The following HIPK2 variants were observed in gnomAD, a reference collection of about 807,000 sequenced individuals.
The protein encoded by HIPK2 is homeodomain interacting protein kinase 2.
Under a neutral mutation model 113.7 loss-of-function variants are expected in HIPK2, and 27 were observed. The observed-to-expected ratio is 0.24, with a 90% CI of 0.17 to 0.33. HIPK2 has a LOEUF of 0.33. Ranked by LOEUF, HIPK2 falls within the 10% of genes least tolerant of loss-of-function variation. HIPK2 has a pLI of 1.00. For missense variants in HIPK2, 1,257 were observed against 1,588.0 expected, an observed-to-expected ratio of 0.79 and a Z score of 3.54; for synonymous variants, 631 against 642.2, an observed-to-expected ratio of 0.98 and a Z score of 0.26.
chr7:139,664,023 C>G (rs184806072), intron 2 of HIPK2, among the ~76,000 whole-genome samples: 351 of 152,344 alleles, frequency 2.3e-3, no homozygotes, highest in Non-Finnish European at 4.0e-3. Flanking sequence ...ACTCTGCCCC[C>G]ACGCTTGGTA....
intron 1 of HIPK2, among the ~76,000 whole-genome samples, chr7:139,726,066 A>G (rs992728991): frequency 6.6e-6 from 1 of 152,172 alleles, no homozygotes; most frequent in Non-Finnish European, 1.5e-5. Context: ...AACAACAATG[A>G]CCCTGAGTCA....
Position 139,661,727 on chromosome 7 carries a change from A to G in HIPK2, c.1104-30002T>C, listed in dbSNP as rs565327398. Among the ~76,000 whole-genome samples, 7 of 152,256 alleles carry G rather than the reference A, an allele frequency of 4.6e-5. No individual in the cohort carries two copies. The South Asian group carries it at 1.5e-3, about 32-fold the overall frequency. On this transcript the variant is annotated intron_variant, in intron 2 of 14. Coordinates refer to ENST00000406875, the MANE Select transcript of HIPK2 (RefSeq NM_022740.5). The stretch of plus-strand genomic sequence containing the variant: ...AAAATCACACACACAAAAAAATCTC[A>G]TATGTTTTAAGGAAGTTTAGGAATT...
chr7:139,730,217 G>A (rs182782684), intron 1 of HIPK2, among the ~76,000 whole-genome samples: 1 of 152,078 alleles, frequency 6.6e-6, no homozygotes, highest in Admixed American at 6.5e-5. Flanking sequence ...ACCCATTTCC[G>A]GCCCAGTCCA....
At chr7:139,620,589 A>G in intron 6 of HIPK2, 26 bp from the exon 7 acceptor site, 3 of 1,612,318 alleles carry the variant, frequency 1.9e-6, no homozygotes, top group South Asian at 1.1e-5. Context: ...GCAGAGGCAT[A>G]TTGAGACATA....
intron 1 of HIPK2, among the ~76,000 whole-genome samples, chr7:139,739,942 T>C (rs1317737391): frequency 6.6e-6 from 1 of 152,262 alleles, no homozygotes; most frequent in Non-Finnish European, 1.5e-5. Context: ...CTGCACACTT[T>C]GTGTATCCAC....
intron 2 of HIPK2, among the ~76,000 whole-genome samples, chr7:139,704,191 T>C (rs1313320370): frequency 1.7e-4 from 16 of 94,582 alleles, no homozygotes; most frequent in African/African-American, 5.5e-4. Flanking sequence ...ATATCCAACA[T>C]ACACACCCAA....
At position 139,565,476 on chromosome 7, in the gene HIPK2, A is replaced by G. The variant is rs1028563779; in HGVS notation, c.*7451T>C. 2.6e-5 allele frequency: 4 copies of G among 152,220 alleles called. No individual in the cohort carries two copies. Among genetic ancestry groups the G allele is most frequent in the African/African-American group, 9.6e-5 (4 of 41,462 alleles). The allele number at this position is 152,220 out of a possible 1,614,324, so 9.4% of individuals were successfully genotyped here. A position where few individuals can be genotyped will look rare whatever the true frequency, so the allele number is the denominator to read the frequency against. On this transcript the variant is annotated 3_prime_UTR_variant, in exon 15 of 15. Coordinates refer to ENST00000406875, the MANE Select transcript of HIPK2 (RefSeq NM_022740.5). ...TGATAATAGTTATTTTAAAAAATTA[A>G]AAATCTAGTCCTAAGCATTTCTACA...
intron 2 of HIPK2, among the ~76,000 whole-genome samples, chr7:139,715,138 C>T (rs1038898506): frequency 1.3e-5 from 2 of 152,218 alleles, no homozygotes; most frequent in African/African-American, 4.8e-5. Flanking sequence ...ATGGCAAGGG[C>T]CCTGTCTATA....
At chr7:139,710,202 CA>C (rs1795020698) in intron 2 of HIPK2, among the ~76,000 whole-genome samples, 1 of 152,184 alleles carries the variant, frequency 6.6e-6, no homozygotes, top group Admixed American at 6.5e-5. Context: ...AGCCTGTATT[CA>C]AAACTCTCTA....
At chr7:139,734,829 C>T (rs1442459737) in intron 1 of HIPK2, among the ~76,000 whole-genome samples, 1 of 152,186 alleles carries the variant, frequency 6.6e-6, no homozygotes, top group African/African-American at 2.4e-5. Flanking sequence ...ACACATTTAT[C>T]ATTTCCCTCA....
chr7:139,696,329 T>G (rs1794565542), intron 2 of HIPK2, among the ~76,000 whole-genome samples: 1 of 152,124 alleles, frequency 6.6e-6, no homozygotes, highest in Non-Finnish European at 1.5e-5. Context: ...TCCCAGCGCT[T>G]TGGGAGGTGG....
intron 2 of HIPK2, among the ~76,000 whole-genome samples, chr7:139,646,494 T>C (rs905496807): frequency 1.5e-5 from 2 of 129,630 alleles, no homozygotes; most frequent in African/African-American, 5.8e-5. Context: ...AGTAAGACCT[T>C]GTCTTAAAAA....
intron 2 of HIPK2, among the ~76,000 whole-genome samples, chr7:139,646,950 G>A (rs1422350677): frequency 2.0e-5 from 3 of 152,080 alleles, no homozygotes; most frequent in Admixed American, 1.3e-4. Context: ...TGGCCCTGTG[G>A]AAAGCATGTC....
intron 2 of HIPK2, among the ~76,000 whole-genome samples, chr7:139,645,164 G>A (rs1471948632): frequency 1.3e-5 from 2 of 152,204 alleles, no homozygotes; most frequent in African/African-American, 4.8e-5. Flanking sequence ...ACTCTCAGAT[G>A]AGTGACTGTG....
rs1320082601 is a variant in HIPK2 at position 139,683,221 on chromosome 7, C to T, written c.1103+32711G>A. 6.6e-6 allele frequency among the ~76,000 whole-genome samples: 1 copy of T among 152,224 alleles called. No individual in the cohort carries two copies. The highest frequency in any genetic ancestry group is 1.5e-5 in the Non-Finnish European group (1 of 68,042). On this transcript the variant is annotated intron_variant, in intron 2 of 14. Coordinates refer to ENST00000406875, the MANE Select transcript of HIPK2 (RefSeq NM_022740.5). The surrounding 1 kb of genome is among the most constrained non-coding windows in gnomAD (Gnocchi z 4.2). Reference sequence around the variant, plus strand: ...TTAACTATATAACACGCGTGCCACACACGAGGATAAAAATGCGAACAGAGA... The same window carrying T: ...TTAACTATATAACACGCGTGCCACATACGAGGATAAAAATGCGAACAGAGA...
Position 139,563,955 on chromosome 7 carries a change from T to C in HIPK2, c.*8972A>G. ...GGGAAACTGCCATTCCCCCAGTCTG[T>C]TTCTGCATGACAGTGGGGCCCATTC... is the stretch of plus-strand genomic sequence containing the variant. On this transcript the variant is annotated 3_prime_UTR_variant, in exon 15 of 15. Coordinates refer to ENST00000406875, the MANE Select transcript of HIPK2 (RefSeq NM_022740.5). The C allele has an allele frequency of 2.5e-6, 1 of 398,622 alleles. No homozygotes were observed. Among genetic ancestry groups the C allele is most frequent in the East Asian group, 3.6e-5 (1 of 28,078 alleles). 24.7% of individuals were successfully genotyped at this position (398,622 alleles called of 1,614,324 possible).
rs1220337200 is a variant in HIPK2, at chr7:139,569,929, CAAT to C, written c.*2995_*2997del. 7 of 152,056 alleles carry C rather than the reference CAAT, an allele frequency of 4.6e-5. No individual in the cohort carries two copies. In the East Asian group the frequency reaches 9.7e-4, roughly 21 times the overall value. 9.4% of individuals were successfully genotyped at this position (152,056 alleles called of 1,614,324 possible). A position where few individuals can be genotyped will look rare whatever the true frequency, so the allele number is the denominator to read the frequency against. On this transcript the variant is annotated 3_prime_UTR_variant, in exon 15 of 15. Transcript: ENST00000406875. The stretch of plus-strand genomic sequence containing the variant: ...ACAATGGTAATAAAAATAATTAGTA[CAAT>C]AATATTATCTTTATGAGCAGCATGG...
At position 139,563,797 on chromosome 7, in the gene HIPK2, T is replaced by A. The variant is rs973603066; in HGVS notation, c.*9130A>T. 15 of 398,536 alleles carry A rather than the reference T, an allele frequency of 3.8e-5. No homozygotes were observed. The highest frequency in any genetic ancestry group is 2.9e-4 in the African/African-American group (14 of 48,624). The allele number at this position is 398,536 out of a possible 1,614,324, so 24.7% of individuals were successfully genotyped here. ...AAATGTGGTATTTTTTTGTATTTTTTAAAAGCTCCCTGGTCCCAGGTGTTT... is the reference window on the plus strand; with the variant it reads ...AAATGTGGTATTTTTTTGTATTTTTAAAAAGCTCCCTGGTCCCAGGTGTTT... On this transcript the variant is annotated 3_prime_UTR_variant, in exon 15 of 15. Coordinates refer to ENST00000406875, the MANE Select transcript of HIPK2 (RefSeq NM_022740.5).
At chr7:139,621,125 GTAA>G (rs907067450) in intron 6 of HIPK2, among the ~76,000 whole-genome samples, 3 of 152,200 alleles carry the variant, frequency 2.0e-5, no homozygotes, top group African/African-American at 4.8e-5. Flanking sequence ...AATGGAAACA[GTAA>G]TAATACTAAT....
Sources: gnomAD v4.1 joint callset for allele counts (sites outside exome capture counted in the v4.1 genomes callset) on GRCh38, gnomAD v4.1.1 for gene constraint, Gnocchi (gnomAD v3.1) non-coding constraint, MANE v1.5 for transcripts, NCBI Gene and HGNC (gene_info 2026-07-23, HGNC 2026-07-21) for gene names.